The following BBS10 variants were observed in gnomAD, a reference collection of about 807,000 sequenced individuals.
BBS10 encodes the protein BBSome complex assembly protein BBS10.
In BBS10, 13 loss-of-function variants were observed where a neutral mutation model predicts 12.7. The observed-to-expected ratio is 1.03, with a 90% CI of 0.67 to 1.63. BBS10 has a LOEUF of 1.63. Ranked by LOEUF, BBS10 falls within the 40% of genes most tolerant of loss-of-function variation. The pLI is 0.00. For synonymous variants in BBS10, 294 were observed against 304.8 expected, an observed-to-expected ratio of 0.96 and a Z score of 0.37; for missense variants, 858 against 858.0, an observed-to-expected ratio of 1.00 and a Z score of 0.00.
At position 76,347,764 on chromosome 12, in the gene BBS10, C is replaced by A. The variant is rs753579130; in HGVS notation, c.221G>T (p.Ser74Ile). 40 of 1,602,276 alleles carry A rather than the reference C, an allele frequency of 2.5e-5. No homozygotes were observed. The highest frequency in any genetic ancestry group is 3.4e-5 in the Non-Finnish European group (40 of 1,179,766). The change falls in exon 2 of 2, where the codon AGT (serine) becomes ATT (isoleucine). Residue 74 changes from serine (S) to isoleucine (I), a missense_variant. Coordinates refer to ENST00000650064, the MANE Select transcript of BBS10 (RefSeq NM_024685.4). ...ACCATCTCCTGTTTTTTTGAGATGA[C>A]TGGAAACACAGTCCACTATCATCCT... ...IARMIVDCVS[S>I]HLKKTGDGAK... is the part of the protein sequence containing the mutation.
Position 76,348,184 on chromosome 12 carries a change from G to A in BBS10, c.175C>T (p.His59Tyr). Residue 59 changes from histidine to tyrosine, a missense_variant, in exon 1 of 2, where the codon CAC becomes TAC. Transcript: ENST00000650064. Reference protein sequence around the residue: ...RNGGRLLEALHLEHPIARMIV... With the variant: ...RNGGRLLEALYLEHPIARMIV... ...TACCTGGCTATGGGATGCTCTAAGT[G>A]TAGCGCCTCCAGGAGGCGGCCTCCA... 1 of 1,612,996 alleles carries A rather than the reference G, an allele frequency of 6.2e-7. No individual in the cohort carries two copies. The highest frequency in any genetic ancestry group is 1.3e-5 in the African/African-American group (1 of 75,030).
At position 76,345,980 on chromosome 12, in the gene BBS10, G is replaced by T; in HGVS notation, c.2005C>A (p.Gln669Lys). The T allele has an allele frequency of 6.2e-7, 1 of 1,614,040 alleles. No homozygotes were observed. Among genetic ancestry groups the T allele is most frequent in the Non-Finnish European group, 8.5e-7 (1 of 1,179,934 alleles). ...CCTGTCTGACTGCTTACCAAGGGTT[G>T]ATTGGTTTGCAGTGCATGGACAGCT... ...IRAVHALQTN[Q>K]PLVSSQTGLE... The change falls in exon 2 of 2, where the codon CAA (glutamine) becomes AAA (lysine). Residue 669 changes from glutamine (Q) to lysine (K), a missense_variant. Transcript: ENST00000650064.
At position 76,347,723 on chromosome 12, in the gene BBS10, T is replaced by C. The variant is rs1039528080; in HGVS notation, c.262A>G (p.Ile88Val). 2 of 1,609,540 alleles carry C rather than the reference T, an allele frequency of 1.2e-6. No homozygotes were observed. Among genetic ancestry groups the C allele is most frequent in the Non-Finnish European group, 1.7e-6 (2 of 1,179,816 alleles). The change falls in exon 2 of 2, where the codon ATC becomes GTC. Residue 88 changes from isoleucine to valine, a missense_variant. Ile to Val is a conservative substitution (Grantham distance 29). Transcript: ENST00000650064. ...CCTCTAAGCAAATGGCAAAGAAAGA[T>C]AATAAATGTTTTTGCACCATCTCCT... ...KTGDGAKTFI[I>V]FLCHLLRGLH...
rs1178651478 is a variant in BBS10 at position 76,346,790 on chromosome 12, G to T, written c.1195C>A (p.Leu399Ile). 6.2e-7 allele frequency: 1 copy of T among 1,614,136 alleles called. No individual in the cohort carries two copies. Among genetic ancestry groups the T allele is most frequent in the Admixed American group, 1.7e-5 (1 of 60,020 alleles). Residue 399 changes from leucine to isoleucine, a missense_variant, in exon 2 of 2, where the codon CTT becomes ATT. Transcript: ENST00000650064. ...TCAFIPHSIVLCGPVHGLIEQ... is the reference protein window; with the variant it reads ...TCAFIPHSIVICGPVHGLIEQ... ...ATGAGACCATGCACTGGTCCACAAA[G>T]AACTATAGAGTGTGGTATAAATGCA...
Position 76,345,818 on chromosome 12 carries a change from G to A in BBS10, c.2167C>T (p.Leu723=), listed in dbSNP as rs1003705267. 4 of 1,612,902 alleles carry A rather than the reference G, an allele frequency of 2.5e-6. No homozygotes were observed. In the South Asian group the frequency reaches 4.4e-5, roughly 18 times the overall value. The change falls in exon 2 of 2, where the codon CTA becomes TTA. Residue 723 remains leucine (L), a synonymous_variant. Coordinates refer to ENST00000650064, the MANE Select transcript of BBS10 (RefSeq NM_024685.4). ...TTAATTAAAAACTTCTGATGTTATA[G>A]TTCATCTTCTGAATCTTGATTGTGA... The part of the protein sequence containing the change: ...KVHNQDSEDE[L]
rs746323439 is a variant in BBS10, at chr12:76,348,300, A to G, written c.59T>C (p.Val20Ala). 9.3e-6 allele frequency: 15 copies of G among 1,610,886 alleles called. No homozygotes were observed. In the African/African-American group the frequency reaches 1.7e-4, roughly 19 times the overall value. The change falls in exon 1 of 2, where the codon GTG (valine) becomes GCG (alanine). Residue 20 changes from valine (V) to alanine (A), a missense_variant. Coordinates refer to ENST00000650064, the MANE Select transcript of BBS10 (RefSeq NM_024685.4). Reference sequence around the variant, plus strand: ...GCAGCAGCTCACGATGGCTTCCAGCACCTCGGCCACCTGCAACGCCGCCTT... The same window carrying G: ...GCAGCAGCTCACGATGGCTTCCAGCGCCTCGGCCACCTGCAACGCCGCCTT... ...SVKAALQVAEVLEAIVSCCVG... is the reference protein window; with the variant it reads ...SVKAALQVAEALEAIVSCCVG...
chr12:76,347,884 T>A (rs1467151090), intron 1 of BBS10, 97 bp from the exon 2 acceptor site: 1 of 1,339,258 alleles, frequency 7.5e-7, no homozygotes, highest in Non-Finnish European at 1.0e-6. Context: ...AATGAGAATA[T>A]TGTTCCTTGG....
At position 76,347,556 on chromosome 12, in the gene BBS10, A is replaced by G. The variant is rs146587757; in HGVS notation, c.429T>C (p.Gly143=). ...GTCTACTTAGGTACTGGTCCATAATACCGTCTAATATTTGTGTCTGAAACG... is the reference window on the plus strand; with the variant it reads ...GTCTACTTAGGTACTGGTCCATAATGCCGTCTAATATTTGTGTCTGAAACG... ...LLTFQTQILD[G]IMDQYLSRHF... Residue 143 remains glycine, a synonymous_variant, in exon 2 of 2, where the codon GGT becomes GGC. Transcript: ENST00000650064. 24 of 1,613,738 alleles carry G rather than the reference A, an allele frequency of 1.5e-5. No homozygotes were observed. The African/African-American group carries it at 3.1e-4, about 21-fold the overall frequency.
Position 76,347,632 on chromosome 12 carries a change from C to T in BBS10, c.353G>A (p.Arg118Lys). Residue 118 changes from arginine to lysine, a missense_variant, in exon 2 of 2, where the codon AGG (arginine) becomes AAG (lysine). Transcript: ENST00000650064. ...LMCENIQTHG[R>K]HWKNCSRWKF... ...CCACCGAGAACAATTTTTCCAATGCCTTCCATGGGTTTGAATGTTTTCACA... is the reference window on the plus strand; with the variant it reads ...CCACCGAGAACAATTTTTCCAATGCTTTCCATGGGTTTGAATGTTTTCACA... The T allele has an allele frequency of 2.5e-6, 4 of 1,613,698 alleles. No homozygotes were observed. The highest frequency in any genetic ancestry group is 3.4e-6 in the Non-Finnish European group (4 of 1,179,994).
rs374874552 is a variant in BBS10, at chr12:76,348,175, G to A, written c.184C>T (p.His62Tyr). 1 of 1,611,614 alleles carries A rather than the reference G, an allele frequency of 6.2e-7. No homozygotes were observed. Among genetic ancestry groups the A allele is most frequent in the East Asian group, 2.2e-5 (1 of 44,790 alleles). ...GRLLEALHLE[H>Y]PIARMIVDCV... ...GGACGCGGGTACCTGGCTATGGGAT[G>A]CTCTAAGTGTAGCGCCTCCAGGAGG... The change falls in exon 1 of 2, where the codon CAT (histidine) becomes TAT (tyrosine). Residue 62 changes from histidine (H) to tyrosine (Y), a missense_variant. Physicochemically the swap from His to Tyr is moderately conservative, Grantham distance 83. Transcript: ENST00000650064.
Position 76,346,642 on chromosome 12 carries a change from TAAATAA to T in BBS10, c.1337_1342del (p.Phe446_Ile447del), listed in dbSNP as rs767108821. 4 of 1,614,040 alleles carry T rather than the reference TAAATAA, an allele frequency of 2.5e-6. No individual in the cohort carries two copies. The highest frequency in any genetic ancestry group is 3.3e-5 in the Admixed American group (2 of 60,002). ...TTGATAACTTTCTCCACTGTTCTTA[TAAATAA>T]AAAGACTTGAAGTGCCATTTTGGTC... On this transcript the variant is annotated inframe_deletion, in exon 2 of 2. Coordinates refer to ENST00000650064, the MANE Select transcript of BBS10 (RefSeq NM_024685.4).
At position 76,345,513 on chromosome 12, in the gene BBS10, A is replaced by G; in HGVS notation, c.*300T>C. 1 of 317,158 alleles carries G rather than the reference A, an allele frequency of 3.2e-6. No individual in the cohort carries two copies. Among genetic ancestry groups the G allele is most frequent in the South Asian group, 3.6e-5 (1 of 27,430 alleles). The allele number at this position is 317,158 out of a possible 1,614,324, so 19.6% of individuals were successfully genotyped here. On this transcript the variant is annotated 3_prime_UTR_variant, in exon 2 of 2. Transcript: ENST00000650064. Reference sequence around the variant, plus strand: ...AAAAAGATACAGGAGAGTAAAAAGGAGCTATAAAGAAAAACCCTCCCCTAA... The same window carrying G: ...AAAAAGATACAGGAGAGTAAAAAGGGGCTATAAAGAAAAACCCTCCCCTAA...
chr12:76,348,333 C>G lies in BBS10; in HGVS notation c.26G>C (p.Gly9Ala), dbSNP rs762818340. ...CACCTGCAACGCCGCCTTCACAGAC[C>G]CTGCAGCGGCCATAGAACTTAACAT... Reference protein sequence around the residue: MLSSMAAAGSVKAALQVAE... With the variant: MLSSMAAAASVKAALQVAE... The change falls in exon 1 of 2, where the codon GGG becomes GCG. Residue 9 changes from glycine (G) to alanine (A), a missense_variant. Gly to Ala is a moderately conservative substitution (Grantham distance 60, BLOSUM62 0). Coordinates refer to ENST00000650064, the MANE Select transcript of BBS10 (RefSeq NM_024685.4). 6.2e-7 allele frequency: 1 copy of G among 1,602,866 alleles called. No individual in the cohort carries two copies. The highest frequency in any genetic ancestry group is 1.1e-5 in the South Asian group (1 of 89,624).
In BBS10 at chr12:76,348,296, C is replaced by T. The variant is rs779366264; in HGVS notation, c.63G>A (p.Leu21=). ...CCACGCAGCAGCTCACGATGGCTTC[C>T]AGCACCTCGGCCACCTGCAACGCCG... The part of the protein sequence containing the change: ...VKAALQVAEV[L]EAIVSCCVGP... The change falls in exon 1 of 2, where the codon CTG becomes CTA. Residue 21 remains leucine, a synonymous_variant. Coordinates refer to ENST00000650064, the MANE Select transcript of BBS10 (RefSeq NM_024685.4). The T allele has an allele frequency of 1.1e-5, 17 of 1,612,164 alleles. No homozygotes were observed. The South Asian group carries it at 1.7e-4, about 16-fold the overall frequency.
rs764687344 is a variant in BBS10 at position 76,347,523 on chromosome 12, C to T, written c.462G>A (p.Leu154=). The T allele has an allele frequency of 2.7e-5, 43 of 1,613,544 alleles. No individual in the cohort carries two copies. The highest frequency in any genetic ancestry group is 3.5e-5 in the Non-Finnish European group (41 of 1,179,982). Residue 154 remains leucine, a synonymous_variant, in exon 2 of 2, where the codon TTG becomes TTA. Transcript: ENST00000650064. ...TCTCTTTAGCAGACGAAAAGATAGA[C>T]AAAAAGTGTCTACTTAGGTACTGGT... The part of the protein sequence containing the change: ...IMDQYLSRHF[L]SIFSSAKERT...
rs757871505 is a variant in BBS10 at position 76,345,340 on chromosome 12, C to T, written c.*473G>A. 6.6e-6 allele frequency: 1 copy of T among 152,166 alleles called. No homozygotes were observed. Among genetic ancestry groups the T allele is most frequent in the African/African-American group, 2.4e-5 (1 of 41,344 alleles). The allele number at this position is 152,166 out of a possible 1,614,324, so 9.4% of individuals were successfully genotyped here. ...TGCTTTTTGAAAAAAATAATTTGAG[C>T]CTTTTACTCAGCTTTACAAAGTATG... On this transcript the variant is annotated 3_prime_UTR_variant, in exon 2 of 2. Transcript: ENST00000650064.
At position 76,346,288 on chromosome 12, in the gene BBS10, T is replaced by C. The variant is rs1951757016; in HGVS notation, c.1697A>G (p.Asn566Ser). The C allele has an allele frequency of 6.2e-7, 1 of 1,613,758 alleles. No individual in the cohort carries two copies. Among genetic ancestry groups the C allele is most frequent in the Non-Finnish European group, 8.5e-7 (1 of 1,179,868 alleles). Reference protein sequence around the residue: ...EISYENLQVTNITRKGSMLPV... With the variant: ...EISYENLQVTSITRKGSMLPV... ...TAACATGCTTCCCTTTCTAGTAATATTTGTGACCTGTAAATTTTCGTAAGA... is the reference window on the plus strand; with the variant it reads ...TAACATGCTTCCCTTTCTAGTAATACTTGTGACCTGTAAATTTTCGTAAGA... Residue 566 changes from asparagine (N) to serine (S), a missense_variant, in exon 2 of 2, where the codon AAT becomes AGT. Asn to Ser is a conservative substitution (Grantham distance 46). Transcript: ENST00000650064.
chr12:76,346,354 T>C lies in BBS10; in HGVS notation c.1631A>G (p.Asn544Ser), dbSNP rs34737974. ...TDYYEPLLKNNSTAYSTRGNR... is the reference protein window; with the variant it reads ...TDYYEPLLKNSSTAYSTRGNR... ...TCCCCTTGTTGAATAAGCAGTGGAA[T>C]TGTTCTTGAGTAATGGTTCATAATA... Residue 544 changes from asparagine to serine, a missense_variant, in exon 2 of 2, where the codon AAT becomes AGT. Coordinates refer to ENST00000650064, the MANE Select transcript of BBS10 (RefSeq NM_024685.4). The C allele has an allele frequency of 7.9e-3, 12,790 of 1,614,022 alleles. 75 individuals carry two copies. The highest frequency in any genetic ancestry group is 0.023 in the Middle Eastern group (142 of 6,062).
rs746617882 is a variant in BBS10, at chr12:76,347,687, T to C, written c.298A>G (p.Ile100Val). ...AAAGGATCCTTTTCTCTGTCTGTGA[T>C]TGCATGAAGTCCTCTAAGCAAATGG... ...LCHLLRGLHA[I>V]TDREKDPLMC... The change falls in exon 2 of 2, where the codon ATC (isoleucine) becomes GTC (valine). Residue 100 changes from isoleucine (I) to valine (V), a missense_variant. By Grantham distance (29) the Ile-to-Val change is conservative. Transcript: ENST00000650064. The C allele has an allele frequency of 1.2e-6, 2 of 1,613,120 alleles. No individual in the cohort carries two copies. The highest frequency in any genetic ancestry group is 1.7e-6 in the Non-Finnish European group (2 of 1,179,956).
Sources: allele counts gnomAD v4.1 joint callset, GRCh38; gene constraint gnomAD v4.1.1; transcripts MANE v1.5; gene names NCBI Gene and HGNC (gene_info 2026-07-23, HGNC 2026-07-21).